The following SCGN variants were observed in gnomAD, a reference collection of about 807,000 sequenced individuals.
SCGN encodes the protein secretagogin.
A neutral mutation model predicts 39.7 loss-of-function variants in SCGN; 30 were observed. The ratio of observed to expected loss-of-function variants is 0.76; its 90% CI spans 0.57 to 1.03. The LOEUF (loss-of-function observed/expected upper bound fraction) is 1.03, where lower values mean the gene tolerates loss of function less well. Among genes scored for constraint, SCGN ranks in the 50% least tolerant of loss-of-function variants. The probability of loss-of-function intolerance (pLI) is 0.00; values close to 1 mark genes in which losing one functional copy is unlikely to be tolerated. For synonymous variants in SCGN, 106 were observed against 114.1 expected, an observed-to-expected ratio of 0.93 and a Z score of 0.45; for missense variants, 353 against 349.4, an observed-to-expected ratio of 1.01 and a Z score of -0.08.
chr6:25,682,002 G>A lies in SCGN; in HGVS notation c.523G>A (p.Ala175Thr). The change falls in exon 7 of 11, where the codon GCA becomes ACA. Residue 175 changes from alanine (A) to threonine (T), a missense_variant. Transcript: ENST00000377961. ...KDGRLDLNDL[A>T]RILALQENFL... ...TGGTCGGTTGGATCTAAATGACTTA[G>A]CAAGGTGAGTTACATGGAAATGATA... 6.2e-7 allele frequency: 1 copy of A among 1,611,012 alleles called. No individual in the cohort carries two copies. The highest frequency in any genetic ancestry group is 8.5e-7 in the Non-Finnish European group (1 of 1,177,182).
At chr6:25,653,950 A>C (rs1760179942) in intron 2 of SCGN, among the ~76,000 whole-genome samples, 1 of 152,252 alleles carries the variant, frequency 6.6e-6, no homozygotes, top group Non-Finnish European at 1.5e-5. Context: ...ACCAGAAAAC[A>C]ACCAGCATAC....
In SCGN at chr6:25,701,337, C is replaced by A. The variant is rs957185761; in HGVS notation, c.*2C>A. 6.2e-7 allele frequency: 1 copy of A among 1,610,450 alleles called. No individual in the cohort carries two copies. The highest frequency in any genetic ancestry group is 1.3e-5 in the African/African-American group (1 of 74,782). Reference sequence around the variant, plus strand: ...CTTGGGCTGAAAATCAACCCATAATCCCAGACTGCTTTGCCTTTTGCTCTT... The same window carrying A: ...CTTGGGCTGAAAATCAACCCATAATACCAGACTGCTTTGCCTTTTGCTCTT... On this transcript the variant is annotated 3_prime_UTR_variant, in exon 11 of 11. Transcript: ENST00000377961.
At chr6:25,690,911 A>G in intron 9 of SCGN, 145 bp from the exon 10 acceptor site, 1 of 600,614 alleles carries the variant, frequency 1.7e-6, no homozygotes, top group African/African-American at 1.9e-5. Context: ...CATGTCCTGC[A>G]TGGAGAACAT....
Position 25,681,931 on chromosome 6 carries a change from T to C in SCGN, c.472-20T>C. 6.2e-7 allele frequency: 1 copy of C among 1,605,394 alleles called. No homozygotes were observed. Among genetic ancestry groups the C allele is most frequent in the Admixed American group, 1.7e-5 (1 of 60,012 alleles). On this transcript the variant is annotated intron_variant, in intron 6 of 10. Coordinates refer to ENST00000377961, the MANE Select transcript of SCGN (RefSeq NM_006998.4). ...TTAGTTCCTGTTACAAGTACAACCATTTTCCCTTCTGCATTTCAGATGAAG... is the reference window on the plus strand; with the variant it reads ...TTAGTTCCTGTTACAAGTACAACCACTTTCCCTTCTGCATTTCAGATGAAG...
At chr6:25,689,626 T>C in intron 9 of SCGN, 94 bp downstream of exon 9, 2 of 984,564 alleles carry the variant, frequency 2.0e-6, no homozygotes, top group Non-Finnish European at 1.6e-6. Context: ...GACCCTAAAC[T>C]TACATGATGA....
intron 9 of SCGN, 135 bp from the exon 10 acceptor site, chr6:25,690,921 T>C: frequency 1.6e-6 from 1 of 624,688 alleles, no homozygotes. Context: ...ATGGAGAACA[T>C]AAATTGGAAC....
At chr6:25,663,691 C>T (rs1760379757) in intron 3 of SCGN, among the ~76,000 whole-genome samples, 1 of 152,120 alleles carries the variant, frequency 6.6e-6, no homozygotes, top group Non-Finnish European at 1.5e-5. Context: ...CATTGAACTG[C>T]ACTGCCTCCC....
chr6:25,675,377 T>C (rs958753200), intron 6 of SCGN, among the ~76,000 whole-genome samples: 1 of 152,220 alleles, frequency 6.6e-6, no homozygotes, highest in African/African-American at 2.4e-5. Context: ...CAAACCTAGA[T>C]AATGGACACC....
intron 4 of SCGN, among the ~76,000 whole-genome samples, chr6:25,665,508 G>A (rs1352153862): frequency 6.6e-6 from 1 of 152,184 alleles, no homozygotes; most frequent in Non-Finnish European, 1.5e-5. Flanking sequence ...CAGCTAGTGG[G>A]CCTTCTGTTT....
intron 4 of SCGN, 63 bp downstream of exon 4, chr6:25,665,095 C>T (rs1760403956): frequency 7.7e-7 from 1 of 1,292,934 alleles, no homozygotes; most frequent in Non-Finnish European, 1.1e-6. Context: ...ATCTTAGCCA[C>T]CTGCTGTGGC....
At chr6:25,665,845 T>A (rs546525809) in intron 4 of SCGN, among the ~76,000 whole-genome samples, 1 of 150,942 alleles carries the variant, frequency 6.6e-6, no homozygotes, top group East Asian at 1.9e-4. Flanking sequence ...GATTTTTTTT[T>A]AAGCAAAATG....
intron 3 of SCGN, among the ~76,000 whole-genome samples, chr6:25,663,291 T>C (rs534416596): frequency 2.0e-5 from 3 of 152,272 alleles, no homozygotes; most frequent in East Asian, 3.9e-4. Context: ...AAAAACAAGA[T>C]GGGAAAAAGG....
intron 7 of SCGN, among the ~76,000 whole-genome samples, chr6:25,688,891 T>A (rs922978253): frequency 6.6e-6 from 1 of 152,012 alleles, no homozygotes; most frequent in East Asian, 1.9e-4. Context: ...GAAAGTTATT[T>A]TGACTATTTT....
intron 3 of SCGN, among the ~76,000 whole-genome samples, chr6:25,662,880 T>C (rs1760360848): frequency 6.6e-6 from 1 of 152,214 alleles, no homozygotes. Context: ...ATGTTCACTG[T>C]TGTAATTTTC....
intron 10 of SCGN, 129 bp downstream of exon 10, chr6:25,691,253 A>C: frequency 1.5e-6 from 1 of 684,768 alleles, no homozygotes; most frequent in Non-Finnish European, 2.5e-6. Flanking sequence ...TTTATTTAAT[A>C]ACCTTTGAAT....
At chr6:25,661,739 A>G (rs996523484) in intron 3 of SCGN, 95 bp downstream of exon 3, 1 of 821,300 alleles carries the variant, frequency 1.2e-6, no homozygotes, top group Non-Finnish European at 1.9e-6. Context: ...TTTGAAAGAC[A>G]ATGGAAACTT....
At chr6:25,684,923 A>G (rs1372953968) in intron 7 of SCGN, among the ~76,000 whole-genome samples, 1 of 150,884 alleles carries the variant, frequency 6.6e-6, no homozygotes, top group Non-Finnish European at 1.5e-5. Context: ...TTTGCTAATC[A>G]ATAGACTTTA....
At chr6:25,653,274 G>T in intron 1 of SCGN, 108 bp from the exon 2 acceptor site, 1 of 756,452 alleles carries the variant, frequency 1.3e-6, no homozygotes, top group Non-Finnish European at 2.1e-6. Flanking sequence ...ACAAAAAATA[G>T]TGTTGAGGGA....
intron 10 of SCGN, among the ~76,000 whole-genome samples, chr6:25,692,823 T>C (rs2151383109): frequency 6.6e-6 from 1 of 152,316 alleles, no homozygotes; most frequent in South Asian, 2.1e-4. Context: ...TCCTCCTCTT[T>C]GGTAACCTCA....
Sources: gnomAD v4.1 joint callset for allele counts (sites outside exome capture counted in the v4.1 genomes callset) on GRCh38, gnomAD v4.1.1 for gene constraint, MANE v1.5 for transcripts, NCBI Gene and HGNC (gene_info 2026-07-23, HGNC 2026-07-21) for gene names.